Variants in SIPA1L1 observed in about 807,000 individuals in gnomAD.
The protein encoded by SIPA1L1 is signal-induced proliferation-associated 1-like protein 1.
In SIPA1L1, 26 loss-of-function variants were observed where a neutral mutation model predicts 162.7. That is an observed-to-expected ratio of 0.16 (90% CI 0.12 to 0.22). The LOEUF (loss-of-function observed/expected upper bound fraction) is 0.22, where lower values mean the gene tolerates loss of function less well. Ranked by LOEUF, SIPA1L1 falls within the 10% of genes least tolerant of loss-of-function variation. The pLI, the probability that SIPA1L1 is intolerant of heterozygous loss-of-function variation, is 1.00. For missense variants in SIPA1L1, 1,874 were observed against 2,241.0 expected, an observed-to-expected ratio of 0.84 and a Z score of 3.31; for synonymous variants, 829 against 837.4, an observed-to-expected ratio of 0.99 and a Z score of 0.17.
chr14:71,457,914 T>C (rs1354459905), intron 2 of SIPA1L1, among the ~76,000 whole-genome samples: 1 of 152,154 alleles, frequency 6.6e-6, no homozygotes, highest in African/African-American at 2.4e-5. Context: ...AACATTAAGT[T>C]GTAGGAGTTC....
intron 5 of SIPA1L1, among the ~76,000 whole-genome samples, chr14:71,590,104 T>C (rs2035192496): frequency 7.0e-6 from 1 of 143,164 alleles, no homozygotes; most frequent in East Asian, 2.1e-4. Flanking sequence ...TATACACACA[T>C]ATATACACAC....
At chr14:71,690,577 G>A (rs1425358479) in intron 13 of SIPA1L1, among the ~76,000 whole-genome samples, 2 of 152,104 alleles carry the variant, frequency 1.3e-5, no homozygotes, top group African/African-American at 2.4e-5. Context: ...CTTCTGGATG[G>A]TGTTAGGTCC....
At chr14:71,705,182 G>T in intron 15 of SIPA1L1, 40 bp from the exon 16 acceptor site, 1 of 1,409,502 alleles carries the variant, frequency 7.1e-7, no homozygotes, top group Non-Finnish European at 1.0e-6. Context: ...GCTTGTTTCT[G>T]CTTAGTGCCT....
chr14:71,557,415 G>A (rs1268182234), intron 4 of SIPA1L1, among the ~76,000 whole-genome samples: 2 of 152,236 alleles, frequency 1.3e-5, no homozygotes, highest in East Asian at 3.9e-4. Context: ...AATTTCATAA[G>A]AAAAGAAATC....
At chr14:71,564,830 G>T (rs921530120) in intron 4 of SIPA1L1, among the ~76,000 whole-genome samples, 1 of 151,996 alleles carries the variant, frequency 6.6e-6, no homozygotes, top group Non-Finnish European at 1.5e-5. Flanking sequence ...CTCTTTCTCC[G>T]CTTAGTGTAG....
At chr14:71,325,678 T>C (rs1594815034) in intron 2 of SIPA1L1, among the ~76,000 whole-genome samples, 1 of 152,192 alleles carries the variant, frequency 6.6e-6, no homozygotes, top group East Asian at 1.9e-4. Flanking sequence ...AGGAGCTGCT[T>C]TAGCTGGCCC....
At chr14:71,354,468 G>T (rs536357131) in intron 2 of SIPA1L1, among the ~76,000 whole-genome samples, 14 of 151,904 alleles carry the variant, frequency 9.2e-5, no homozygotes, top group African/African-American at 3.4e-4. Flanking sequence ...GTAGAGGGGG[G>T]GTTTCACCAT....
chr14:71,556,249 C>G (rs1037282270), intron 4 of SIPA1L1, among the ~76,000 whole-genome samples: 7 of 152,202 alleles, frequency 4.6e-5, no homozygotes, highest in African/African-American at 1.7e-4. Flanking sequence ...GAAAAACTCT[C>G]AAACCGTGTC....
At chr14:71,733,909 G>C in intron 21 of SIPA1L1, 97 bp downstream of exon 21, 1 of 1,296,072 alleles carries the variant, frequency 7.7e-7, no homozygotes, top group Non-Finnish European at 1.1e-6. Flanking sequence ...CAAAACATAT[G>C]TGCCTCACCA....
intron 10 of SIPA1L1, among the ~76,000 whole-genome samples, chr14:71,666,572 A>G (rs1335624032): frequency 1.3e-5 from 2 of 152,200 alleles, no homozygotes; most frequent in Non-Finnish European, 2.9e-5. Flanking sequence ...AAGGACCCTG[A>G]TTGTTCAAAA....
chr14:71,539,494 A>G (rs2054193762), intron 4 of SIPA1L1, among the ~76,000 whole-genome samples: 1 of 152,214 alleles, frequency 6.6e-6, no homozygotes, highest in African/African-American at 2.4e-5. Flanking sequence ...GTATTTCATA[A>G]TATTTAGAAG....
chr14:71,597,424 CTTG>C (rs1157843978), intron 5 of SIPA1L1, among the ~76,000 whole-genome samples: 4 of 151,592 alleles, frequency 2.6e-5, no homozygotes. Flanking sequence ...TCTTATTTTT[CTTG>C]TTTTTTCTTC....
chr14:71,726,809 T>C (rs2084282669), intron 19 of SIPA1L1, among the ~76,000 whole-genome samples: 1 of 152,172 alleles, frequency 6.6e-6, no homozygotes, highest in Non-Finnish European at 1.5e-5. Flanking sequence ...CCCTTTGTCT[T>C]CTGAGAGTCG....
rs190703382 is a variant in SIPA1L1 at position 71,463,272 on chromosome 14, A to G, written c.-464-49471A>G. ...CCTCACCCTACCAGTCAGGGAGCCA[A>G]TCTGGGGGTTCTACCAGCTCCTAAT... On this transcript the variant is annotated intron_variant, in intron 2 of 23. Transcript: ENST00000381232. Among the ~76,000 whole-genome samples, 652 of 152,262 alleles carry G rather than the reference A, an allele frequency of 4.3e-3. 10 individuals carry two copies. The highest frequency in any genetic ancestry group is 5.7e-3 in the Non-Finnish European group (388 of 67,998).
intron 4 of SIPA1L1, among the ~76,000 whole-genome samples, chr14:71,533,753 A>G (rs1657293109): frequency 1.3e-5 from 2 of 152,228 alleles, no homozygotes; most frequent in Non-Finnish European, 2.9e-5. Flanking sequence ...AAATTATAAA[A>G]TTGTTAGAAC....
chr14:71,561,553 C>CTT (rs2056792937), intron 4 of SIPA1L1, among the ~76,000 whole-genome samples: 1 of 152,140 alleles, frequency 6.6e-6, no homozygotes. Flanking sequence ...TGAAGAATTA[C>CTT]TTTGAATTTC....
chr14:71,418,626 A>G (rs997024465), intron 2 of SIPA1L1, among the ~76,000 whole-genome samples: 2 of 152,202 alleles, frequency 1.3e-5, no homozygotes, highest in African/African-American at 2.4e-5. Flanking sequence ...TTGATCATGA[A>G]TTGCTAATGT....
chr14:71,624,716 A>T (rs2039798900), intron 7 of SIPA1L1, among the ~76,000 whole-genome samples: 1 of 124,628 alleles, frequency 8.0e-6, no homozygotes, highest in Non-Finnish European at 2.0e-5. Context: ...GGACACAGAG[A>T]GATTAAGTAA....
chr14:71,710,807 C>CAAAAAAAAA (rs570414143), intron 17 of SIPA1L1, among the ~76,000 whole-genome samples: 1 of 57,658 alleles, frequency 1.7e-5, no homozygotes, highest in Non-Finnish European at 4.0e-5. Context: ...GATTCTGTCT[C>CAAAAAAAAA]AAAAAAAAAA....
Sources: allele counts gnomAD v4.1 joint callset (sites outside exome capture counted in the v4.1 genomes callset), GRCh38; gene constraint gnomAD v4.1.1; transcripts MANE v1.5; gene names NCBI Gene and HGNC (gene_info 2026-07-23, HGNC 2026-07-21).